Variants in OR13A1 observed in about 807,000 individuals in gnomAD.
OR13A1 encodes olfactory receptor 13A1.
A neutral mutation model predicts 7.5 loss-of-function variants in OR13A1; 10 were observed. The observed-to-expected ratio is 1.34, with a 90% CI of 0.83 to 2.27. The LOEUF (loss-of-function observed/expected upper bound fraction) is 2.27, where lower values mean the gene tolerates loss of function less well. Ranked by LOEUF, OR13A1 falls within the 30% of genes most tolerant of loss-of-function variation. OR13A1 has a pLI of 0.00. For synonymous variants in OR13A1, 238 were observed against 177.9 expected (o/e 1.34, Z -2.69); for missense variants, 509 against 419.1 (o/e 1.21, Z -1.87).
At chr10:45,312,301 C>A (rs921618851) in intron 1 of OR13A1, among the ~76,000 whole-genome samples, 2 of 151,844 alleles carry the variant, frequency 1.3e-5, no homozygotes, top group Non-Finnish European at 1.5e-5. Flanking sequence ...TCACACCAAG[C>A]CACATGATCA....
intron 1 of OR13A1, 47 bp from the exon 2 acceptor site, chr10:45,307,855 GA>G (rs1315246690): frequency 6.6e-6 from 1 of 152,112 alleles, no homozygotes; most frequent in African/African-American, 2.4e-5. Context: ...TCACTTTAAA[GA>G]AATAACAATA....
downstream of OR13A1, chr10:45,302,486 T>G (rs778340672): frequency 2.0e-5 from 3 of 152,236 alleles, no homozygotes; most frequent in Admixed American, 6.5e-5. Context: ...GAATACTGGA[T>G]GAAGAACCAT....
chr10:45,311,736 G>C (rs1259019947), intron 1 of OR13A1, among the ~76,000 whole-genome samples: 1 of 149,878 alleles, frequency 6.7e-6, no homozygotes, highest in Non-Finnish European at 1.5e-5. Flanking sequence ...TTGGGTACTA[G>C]GCTTAGTACC....
chr10:45,314,040 T>C (rs912841617), intron 1 of OR13A1, among the ~76,000 whole-genome samples: 1 of 152,104 alleles, frequency 6.6e-6, no homozygotes, highest in Non-Finnish European at 1.5e-5. Context: ...TTTTAAAAGA[T>C]TGAAATTATA....
chr10:45,313,021 G>C (rs1221435616), intron 1 of OR13A1, among the ~76,000 whole-genome samples: 1 of 152,052 alleles, frequency 6.6e-6, no homozygotes, highest in Admixed American at 6.6e-5. Flanking sequence ...GTACTATGCA[G>C]TTTTGGTACA....
intron 1 of OR13A1, among the ~76,000 whole-genome samples, chr10:45,312,957 A>G (rs1028767079): frequency 3.3e-5 from 5 of 152,110 alleles, no homozygotes; most frequent in Admixed American, 2.0e-4. Flanking sequence ...ATGAAGTCTT[A>G]TGAAAATATA....
In OR13A1 at chr10:45,304,033, C is replaced by T; in HGVS notation, c.390G>A (p.Leu130=). Residue 130 remains leucine (L), a synonymous_variant, in exon 4 of 4, where the codon CTG becomes CTA. Coordinates refer to ENST00000553795, the MANE Select transcript of OR13A1 (RefSeq NM_001004297.3). ...YFLTWAASSE[L]LLLTVMAYDR... Reference sequence around the variant, plus strand: ...CATAGGCCATGACCGTGAGGAGCAGCAGCTCTGAGGATGCAGCCCACGTGA... The same window carrying T: ...CATAGGCCATGACCGTGAGGAGCAGTAGCTCTGAGGATGCAGCCCACGTGA... 6.2e-7 allele frequency: 1 copy of T among 1,613,156 alleles called. No individual in the cohort carries two copies. Among genetic ancestry groups the T allele is most frequent in the South Asian group, 1.1e-5 (1 of 90,988 alleles).
intron 1 of OR13A1, among the ~76,000 whole-genome samples, chr10:45,310,865 G>A (rs945651159): frequency 6.6e-6 from 1 of 152,138 alleles, no homozygotes. Context: ...GAAAATCAAG[G>A]ACATGAATTA....
intron 3 of OR13A1, among the ~76,000 whole-genome samples, chr10:45,306,943 G>A (rs1455231180): frequency 6.6e-6 from 1 of 152,196 alleles, no homozygotes; most frequent in Non-Finnish European, 1.5e-5. Flanking sequence ...AGAAATAACT[G>A]TAACTTTATT....
chr10:45,302,788 T>A lies in OR13A1; in HGVS notation c.*648A>T, dbSNP rs954293518. 1 of 152,272 alleles carries A rather than the reference T, an allele frequency of 6.6e-6. No individual in the cohort carries two copies. Among genetic ancestry groups the A allele is most frequent in the Non-Finnish European group, 1.5e-5 (1 of 68,062 alleles). 9.4% of individuals were successfully genotyped at this position (152,272 alleles called of 1,614,324 possible). On this transcript the variant is annotated 3_prime_UTR_variant, in exon 4 of 4. Transcript: ENST00000553795. ...CGTTTAACTTATTAGAGCTGACTCA[T>A]GGCAGCTGTCCTCGCTCCAGGCCAA... is the stretch of plus-strand genomic sequence containing the variant.
In OR13A1 at chr10:45,304,256, G is replaced by T. The variant is rs75605166; in HGVS notation, c.167C>A (p.Ala56Asp). Residue 56 changes from alanine to aspartate, a missense_variant, in exon 4 of 4, where the codon GCC becomes GAC. Physicochemically the swap from Ala to Asp is moderately radical, Grantham distance 126. Coordinates refer to ENST00000553795, the MANE Select transcript of OR13A1 (RefSeq NM_001004297.3). ...FSCFLFLYSG[A>D]LTGNVLITLA... ...GGTGATGAGGACATTACCTGTGAGG[G>T]CCCCAGAGTAGAGGAAGAGGAAACA... The T allele has an allele frequency of 6.2e-7, 1 of 1,614,172 alleles. No homozygotes were observed. The highest frequency in any genetic ancestry group is 1.3e-5 in the African/African-American group (1 of 75,034).
At chr10:45,314,779 C>A (rs1367376709) in intron 1 of OR13A1, among the ~76,000 whole-genome samples, 1 of 152,104 alleles carries the variant, frequency 6.6e-6, no homozygotes, top group East Asian at 1.9e-4. Context: ...ATACCATCAA[C>A]AGTTAATTAT....
intron 1 of OR13A1, among the ~76,000 whole-genome samples, chr10:45,309,566 G>C (rs1838402797): frequency 6.6e-6 from 1 of 152,096 alleles, no homozygotes; most frequent in Admixed American, 6.5e-5. Context: ...ATCTCTGAAA[G>C]TTACTGGTCA....
rs116361000 is a variant in OR13A1, at chr10:45,304,348, C to A, written c.75G>T (p.Thr25=). Residue 25 remains threonine, a synonymous_variant, in exon 4 of 4, where the codon ACG becomes ACT. Transcript: ENST00000553795. The stretch of plus-strand genomic sequence containing the variant: ...CCTGCAGGATGAACTCGGTTACCAA[C>A]GTCTGGTTACTCATCATCCTTGGGC... The part of the protein sequence containing the change: ...RPSPRMMSNQ[T]LVTEFILQGF... 6.2e-7 allele frequency: 1 copy of A among 1,614,136 alleles called. No homozygotes were observed. Among genetic ancestry groups the A allele is most frequent in the South Asian group, 1.1e-5 (1 of 91,072 alleles).
chr10:45,313,845 T>C (rs1588946631), intron 1 of OR13A1, among the ~76,000 whole-genome samples: 1 of 152,114 alleles, frequency 6.6e-6, no homozygotes, highest in East Asian at 1.9e-4. Flanking sequence ...CTTACAATAA[T>C]GGCTAGAACA....
intron 3 of OR13A1, among the ~76,000 whole-genome samples, chr10:45,306,418 A>C (rs1045020069): frequency 6.6e-5 from 10 of 151,002 alleles, no homozygotes; most frequent in African/African-American, 2.4e-4. Flanking sequence ...GCGCCACTGC[A>C]CTCCAGCCTG....
downstream of OR13A1, chr10:45,302,570 C>G (rs919803656): frequency 6.6e-6 from 1 of 152,166 alleles, no homozygotes; most frequent in African/African-American, 2.4e-5. Flanking sequence ...TATTCAATTC[C>G]AAGATACAAC....
chr10:45,304,522 A>T, intron 3 of OR13A1, 88 bp from the exon 4 acceptor site: 3 of 1,084,030 alleles, frequency 2.8e-6, no homozygotes, highest in Non-Finnish European at 4.0e-6. Context: ...ATAGAGATGC[A>T]TTAGGGCATA....
chr10:45,311,119 AC>A (rs1278810917), intron 1 of OR13A1, among the ~76,000 whole-genome samples: 1 of 152,230 alleles, frequency 6.6e-6, no homozygotes, highest in African/African-American at 2.4e-5. Context: ...CCTGGGCAAT[AC>A]CACTGCTCAA....
Sources: gnomAD v4.1 joint callset for allele counts (sites outside exome capture counted in the v4.1 genomes callset) on GRCh38, gnomAD v4.1.1 for gene constraint, MANE v1.5 for transcripts, NCBI Gene and HGNC (gene_info 2026-07-23, HGNC 2026-07-21) for gene names.